The following MMP16 variants were observed in gnomAD, a reference collection of about 807,000 sequenced individuals.
The protein encoded by MMP16 is matrix metallopeptidase 16, also known as matrix metalloproteinase-16.
Under a neutral mutation model 67.8 loss-of-function variants are expected in MMP16, and 12 were observed. The ratio of observed to expected loss-of-function variants is 0.18; its 90% CI spans 0.11 to 0.29. The LOEUF is 0.29. MMP16 is among the 10% of genes least tolerant of loss of function. The pLI is 1.00. For missense variants in MMP16, 475 were observed against 765.7 expected (o/e 0.62, Z 4.48); for synonymous variants, 249 against 255.9 (o/e 0.97, Z 0.26).
At chr8:88,231,410 C>A (rs1376421914) in intron 1 of MMP16, among the ~76,000 whole-genome samples, 1 of 152,112 alleles carries the variant, frequency 6.6e-6, no homozygotes, top group Non-Finnish European at 1.5e-5. Context: ...GAAGTTGAAT[C>A]CAAAATTATT....
chr8:88,244,179 T>C (rs527340032), intron 1 of MMP16, among the ~76,000 whole-genome samples: 3 of 152,268 alleles, frequency 2.0e-5, no homozygotes, highest in Non-Finnish European at 4.4e-5. Flanking sequence ...TGTATCAAAT[T>C]ACAAGCATAA....
intron 7 of MMP16, chr8:88,069,523 C>T (rs780221174): frequency 5.7e-6 from 3 of 525,076 alleles, no homozygotes; most frequent in South Asian, 2.9e-5. Context: ...TCTCCCTTCA[C>T]TGCAAAGGAA....
intron 3 of MMP16, among the ~76,000 whole-genome samples, chr8:88,185,428 C>T (rs1056766958): frequency 6.6e-6 from 1 of 151,680 alleles, no homozygotes; most frequent in Admixed American, 6.6e-5. Flanking sequence ...CACTGCACTC[C>T]AACCTGGGTG....
intron 1 of MMP16, among the ~76,000 whole-genome samples, chr8:88,288,764 T>C (rs914436934): frequency 3.3e-5 from 5 of 152,218 alleles, no homozygotes; most frequent in Admixed American, 2.0e-4. Flanking sequence ...TTTGATTTAG[T>C]GTTTCTATTT....
chr8:88,269,553 C>T (rs1181675543), intron 1 of MMP16, among the ~76,000 whole-genome samples: 3 of 152,174 alleles, frequency 2.0e-5, no homozygotes, highest in African/African-American at 7.2e-5. Context: ...GAGACTAGAA[C>T]TGATGGCTAG....
intron 4 of MMP16, among the ~76,000 whole-genome samples, chr8:88,133,410 T>G (rs1808066540): frequency 2.0e-5 from 3 of 151,860 alleles, no homozygotes; most frequent in Admixed American, 2.0e-4. Flanking sequence ...ACTAGGAGTT[T>G]TCAATAACCC....
At chr8:88,186,255 T>C (rs1005539185) in intron 3 of MMP16, 2 of 399,522 alleles carry the variant, frequency 5.0e-6, no homozygotes, top group Admixed American at 4.2e-5. Flanking sequence ...TTCAAGAAGC[T>C]GGAATAGTTT....
chr8:88,198,018 AT>A (rs1481280091), intron 1 of MMP16, among the ~76,000 whole-genome samples: 1 of 152,160 alleles, frequency 6.6e-6, no homozygotes, highest in Admixed American at 6.5e-5. Flanking sequence ...GGGTCTCATG[AT>A]TTTTATCCCC....
chr8:88,291,888 T>TA (rs1324268571), intron 1 of MMP16, among the ~76,000 whole-genome samples: 1 of 152,204 alleles, frequency 6.6e-6, no homozygotes, highest in Non-Finnish European at 1.5e-5. Context: ...AGATGCTTTG[T>TA]AAGCATTATC....
intron 1 of MMP16, among the ~76,000 whole-genome samples, chr8:88,207,241 A>C (rs1334987820): frequency 1.3e-5 from 2 of 152,194 alleles, no homozygotes; most frequent in Non-Finnish European, 2.9e-5. Context: ...GAGAAATGTA[A>C]ATAAACACAA....
intron 4 of MMP16, among the ~76,000 whole-genome samples, chr8:88,154,983 A>G (rs1038653000): frequency 3.3e-5 from 5 of 152,130 alleles, no homozygotes; most frequent in African/African-American, 1.2e-4. Flanking sequence ...TAAATTTTAC[A>G]TAATGCTAAG....
intron 1 of MMP16, among the ~76,000 whole-genome samples, chr8:88,222,714 A>T (rs1212529818): frequency 6.6e-6 from 1 of 152,202 alleles, no homozygotes; most frequent in Admixed American, 6.5e-5. Context: ...TTAAAGACTT[A>T]AATGTTACAG....
chr8:88,169,789 G>T (rs1808770415), intron 3 of MMP16, among the ~76,000 whole-genome samples: 1 of 152,134 alleles, frequency 6.6e-6, no homozygotes. Flanking sequence ...CAAGTGTCAG[G>T]ATATGAGATC....
At chr8:88,300,567 A>G (rs1027149888) in intron 1 of MMP16, among the ~76,000 whole-genome samples, 1 of 152,172 alleles carries the variant, frequency 6.6e-6, no homozygotes, top group African/African-American at 2.4e-5. Flanking sequence ...TATTTTACTT[A>G]GTTGTTCTAT....
chr8:88,204,317 G>T (rs1314286071), intron 1 of MMP16, among the ~76,000 whole-genome samples: 1 of 152,088 alleles, frequency 6.6e-6, no homozygotes, highest in East Asian at 1.9e-4. Flanking sequence ...ACAAAATAAG[G>T]CTCATGATTT....
chr8:88,075,971 ACAC>A, intron 6 of MMP16, among the ~76,000 whole-genome samples: 1 of 151,650 alleles, frequency 6.6e-6, no homozygotes, highest in South Asian at 2.1e-4. Flanking sequence ...ACACACACAC[ACAC>A]AAAATCTACT....
intron 6 of MMP16, among the ~76,000 whole-genome samples, chr8:88,099,338 C>T (rs913015735): frequency 6.6e-6 from 1 of 151,610 alleles, no homozygotes; most frequent in African/African-American, 2.4e-5. Flanking sequence ...CAGTCTAGAA[C>T]CTTTTGGTTT....
At chr8:88,149,254 CA>C (rs770507077) in intron 4 of MMP16, among the ~76,000 whole-genome samples, 4 of 152,226 alleles carry the variant, frequency 2.6e-5, no homozygotes, top group Non-Finnish European at 5.9e-5. Context: ...AGTCTGAGAT[CA>C]AACTGCAAGG....
chr8:88,044,399 T>G (rs1456728540), intron 9 of MMP16, among the ~76,000 whole-genome samples: 1 of 152,214 alleles, frequency 6.6e-6, no homozygotes, highest in East Asian at 1.9e-4. Flanking sequence ...TACTTGGTAA[T>G]GGAAGTATGT....
Sources: gnomAD v4.1 joint callset for allele counts (sites outside exome capture counted in the v4.1 genomes callset) on GRCh38, gnomAD v4.1.1 for gene constraint, MANE v1.5 for transcripts, NCBI Gene and HGNC (gene_info 2026-07-23, HGNC 2026-07-21) for gene names.